The following STIMATE variants were observed in gnomAD, a reference collection of about 807,000 sequenced individuals.
The protein encoded by STIMATE is store-operated calcium entry regulator STIMATE.
Under a neutral mutation model 36.7 loss-of-function variants are expected in STIMATE, and 15 were observed. The observed-to-expected ratio is 0.41, with a 90% confidence interval of 0.27 to 0.63. The LOEUF (loss-of-function observed/expected upper bound fraction) is 0.63. Among genes scored for constraint, STIMATE ranks in the 20% least tolerant of loss-of-function variants. The probability of loss-of-function intolerance (pLI) is 0.32; values close to 1 mark genes in which losing one functional copy is unlikely to be tolerated. For synonymous variants in STIMATE, 163 were observed against 162.3 expected, an observed-to-expected ratio of 1.00 and a Z score of -0.03; for missense variants, 305 against 397.3, an observed-to-expected ratio of 0.77 and a Z score of 1.98.
chr3:52,865,460 T>C (rs1701289643), intron 1 of STIMATE, among the ~76,000 whole-genome samples: 1 of 152,216 alleles, frequency 6.6e-6, no homozygotes, highest in South Asian at 2.1e-4. Context: ...ATTGGACTTA[T>C]AGTTCCACAT....
chr3:52,879,616 A>T (rs907599595), intron 1 of STIMATE, among the ~76,000 whole-genome samples: 1 of 152,226 alleles, frequency 6.6e-6, no homozygotes, highest in Non-Finnish European at 1.5e-5. Context: ...GGAGAGTCTC[A>T]GTCAGAATAG....
intron 1 of STIMATE, among the ~76,000 whole-genome samples, chr3:52,884,232 C>T (rs1460255005): frequency 6.7e-6 from 1 of 148,250 alleles, no homozygotes; most frequent in African/African-American, 2.5e-5. Context: ...ACAGTAATTT[C>T]CATCACCCAA....
At chr3:52,852,720 T>C (rs1298159169) in intron 2 of STIMATE, 22 bp from the exon 3 acceptor site, 2 of 1,612,284 alleles carry the variant, frequency 1.2e-6, no homozygotes, top group South Asian at 1.1e-5. Context: ...AAACCAGCAC[T>C]GGTTATTAGC....
At chr3:52,884,655 A>T (rs1229240756) in intron 1 of STIMATE, among the ~76,000 whole-genome samples, 1 of 152,210 alleles carries the variant, frequency 6.6e-6, no homozygotes, top group Non-Finnish European at 1.5e-5. Flanking sequence ...ATATAAATGG[A>T]GTCATTCAGT....
chr3:52,894,729 G>A (rs1458734584), intron 1 of STIMATE, among the ~76,000 whole-genome samples: 1 of 152,208 alleles, frequency 6.6e-6, no homozygotes, highest in Non-Finnish European at 1.5e-5. Flanking sequence ...TCTACAGTCA[G>A]AGCTGGTCCA....
intron 1 of STIMATE, among the ~76,000 whole-genome samples, chr3:52,877,298 C>T (rs1701516285): frequency 1.3e-5 from 2 of 152,258 alleles, no homozygotes; most frequent in Admixed American, 1.3e-4. Flanking sequence ...CTGCCACTGG[C>T]TGCGGCTCCA....
At chr3:52,881,564 G>A (rs533401244) in intron 1 of STIMATE, among the ~76,000 whole-genome samples, 5 of 152,238 alleles carry the variant, frequency 3.3e-5, no homozygotes, top group African/African-American at 9.6e-5. Flanking sequence ...TTAGCTGGGC[G>A]TGGTGGTGGG....
chr3:52,866,009 T>C (rs1329333999), intron 1 of STIMATE, among the ~76,000 whole-genome samples: 1 of 152,190 alleles, frequency 6.6e-6, no homozygotes, highest in Non-Finnish European at 1.5e-5. Flanking sequence ...CTACATGGCA[T>C]CCCACAGTGT....
intron 1 of STIMATE, among the ~76,000 whole-genome samples, chr3:52,873,850 A>G (rs1223892783): frequency 6.6e-6 from 1 of 152,190 alleles, no homozygotes; most frequent in African/African-American, 2.4e-5. Flanking sequence ...TCACAGAGAA[A>G]TGCTGCATCT....
At chr3:52,857,250 T>C (rs889648668) in intron 1 of STIMATE, among the ~76,000 whole-genome samples, 1 of 152,138 alleles carries the variant, frequency 6.6e-6, no homozygotes, top group African/African-American at 2.4e-5. Context: ...AACGAGCAGG[T>C]GAAGTTGTGA....
rs1226068067 is a variant in STIMATE at position 52,880,774 on chromosome 3, C to T, written c.160+16517G>A. On this transcript the variant is annotated intron_variant, in intron 1 of 7. Transcript: ENST00000355083. The stretch of plus-strand genomic sequence containing the variant: ...AATGAGCTGGCTGTTTCAATATTAG[C>T]TTCTGTTTGACTCCCACATGCAATT... Among the ~76,000 whole-genome samples the T allele has an allele frequency of 3.3e-5, 5 of 152,308 alleles. No homozygotes were observed. The East Asian group carries it at 9.6e-4, about 29-fold the overall frequency.
Position 52,842,954 on chromosome 3 carries a change from T to C in STIMATE, c.625A>G (p.Met209Val), listed in dbSNP as rs1486232102. Residue 209 changes from methionine to valine, a missense_variant, in exon 7 of 8, where the codon ATG becomes GTG. Met to Val is a conservative substitution (Grantham distance 21, BLOSUM62 1). This residue lies in a region of STIMATE where 164 missense variants were observed against 257.9 expected (regional missense o/e 0.64). Coordinates refer to ENST00000355083, the MANE Select transcript of STIMATE (RefSeq NM_198563.5). Reference protein sequence around the residue: ...LIVPFFVNALMFWVVDNFLMR... With the variant: ...LIVPFFVNALVFWVVDNFLMR... ...AGGAAATTGTCCACTACCCAAAACATCAAAGCCTGTGGGAAGGAAAAGTGC... is the reference window on the plus strand; with the variant it reads ...AGGAAATTGTCCACTACCCAAAACACCAAAGCCTGTGGGAAGGAAAAGTGC... 6.2e-7 allele frequency: 1 copy of C among 1,614,086 alleles called. No homozygotes were observed. The highest frequency in any genetic ancestry group is 1.7e-5 in the Admixed American group (1 of 60,016).
chr3:52,888,005 T>TG (rs1440211218), intron 1 of STIMATE, among the ~76,000 whole-genome samples: 8 of 136,800 alleles, frequency 5.8e-5, no homozygotes, highest in African/African-American at 1.6e-4. Flanking sequence ...TTTTTTTTTT[T>TG]TTTTTTTTTT....
At chr3:52,850,356 C>T (rs1182351011) in intron 3 of STIMATE, among the ~76,000 whole-genome samples, 1 of 152,070 alleles carries the variant, frequency 6.6e-6, no homozygotes, top group Non-Finnish European at 1.5e-5. Context: ...CACTTGAACC[C>T]GGGAGGTGGA....
chr3:52,866,596 C>T lies in STIMATE; in HGVS notation c.161-11152G>A, dbSNP rs185727929. On this transcript the variant is annotated intron_variant, in intron 1 of 7. Coordinates refer to ENST00000355083, the MANE Select transcript of STIMATE (RefSeq NM_198563.5). ...AACTCTACCTGTCGACTTCACACAGCACCCAGGTCACCGACTGCTCACTTA... is the reference window on the plus strand; with the variant it reads ...AACTCTACCTGTCGACTTCACACAGTACCCAGGTCACCGACTGCTCACTTA... Among the ~76,000 whole-genome samples the T allele has an allele frequency of 3.9e-3, 601 of 152,344 alleles. 6 individuals are homozygous for T. Among genetic ancestry groups the T allele is most frequent in the Admixed American group, 6.1e-3 (94 of 15,310 alleles).
intron 1 of STIMATE, among the ~76,000 whole-genome samples, chr3:52,890,656 A>G (rs772802992): frequency 6.6e-6 from 1 of 152,256 alleles, no homozygotes; most frequent in Non-Finnish European, 1.5e-5. Context: ...GTAATCTAAA[A>G]GAGACTCACC....
chr3:52,888,788 T>C (rs1701734827), intron 1 of STIMATE, among the ~76,000 whole-genome samples: 1 of 152,244 alleles, frequency 6.6e-6, no homozygotes, highest in South Asian at 2.1e-4. Flanking sequence ...CCTGACTTAT[T>C]CTGCATACAA....
intron 1 of STIMATE, among the ~76,000 whole-genome samples, chr3:52,863,212 A>C (rs1328416250): frequency 6.6e-6 from 1 of 152,250 alleles, no homozygotes; most frequent in Admixed American, 6.5e-5. Context: ...GCTGATAAAG[A>C]CATACCCGAG....
rs538419745 is a variant in STIMATE at position 52,894,182 on chromosome 3, C to G, written c.160+3109G>C. Among the ~76,000 whole-genome samples the G allele has an allele frequency of 2.6e-5, 4 of 152,318 alleles. No homozygotes were observed. The East Asian group carries it at 7.7e-4, about 29-fold the overall frequency. On this transcript the variant is annotated intron_variant, in intron 1 of 7. Transcript: ENST00000355083. ...TACCTAGCAGACACTTCAGAAAACT[C>G]TAAGTGGAAAGTATCTTCATAAGCT...
Sources: allele counts gnomAD v4.1 joint callset (sites outside exome capture counted in the v4.1 genomes callset), GRCh38; gene constraint gnomAD v4.1.1; regional missense constraint gnomAD v4.1.1; transcripts MANE v1.5; gene names NCBI Gene and HGNC (gene_info 2026-07-23, HGNC 2026-07-21).